NDRG3: variants seen among roughly 807,000 people sequenced by gnomAD.
NDRG3 encodes the protein protein NDRG3.
In NDRG3, 23 loss-of-function variants were observed where a neutral mutation model predicts 57.2. The ratio of observed to expected loss-of-function variants is 0.40; its 90% CI spans 0.29 to 0.57. The LOEUF is 0.57. Ranked by LOEUF, NDRG3 falls within the 20% of genes least tolerant of loss-of-function variation. The pLI is 0.42. For synonymous variants in NDRG3, 132 were observed against 162.6 expected, an observed-to-expected ratio of 0.81 and a Z score of 1.43; for missense variants, 384 against 457.3, an observed-to-expected ratio of 0.84 and a Z score of 1.46.
At chr20:36,730,552 C>T (rs556053521) in intron 1 of NDRG3, among the ~76,000 whole-genome samples, 8 of 151,692 alleles carry the variant, frequency 5.3e-5, no homozygotes, top group South Asian at 2.1e-4. Flanking sequence ...GCAGAAACCT[C>T]GCTGAAAGGT....
intron 2 of NDRG3, among the ~76,000 whole-genome samples, chr20:36,712,087 TG>T (rs2148179442): frequency 6.6e-6 from 1 of 151,976 alleles, no homozygotes; most frequent in African/African-American, 2.4e-5. Flanking sequence ...CGCACCTGGT[TG>T]TTTTTTTGTT....
At chr20:36,698,758 TATA>T (rs1277477394) in intron 3 of NDRG3, among the ~76,000 whole-genome samples, 1 of 152,130 alleles carries the variant, frequency 6.6e-6, no homozygotes, top group South Asian at 2.1e-4. Context: ...GATTTATTCA[TATA>T]ATGACATACA....
At chr20:36,733,452 C>T (rs567688208) in intron 1 of NDRG3, among the ~76,000 whole-genome samples, 3 of 151,732 alleles carry the variant, frequency 2.0e-5, no homozygotes, top group East Asian at 2.0e-4. Flanking sequence ...TGGCCGGGCG[C>T]GGTGGCTCAC....
At chr20:36,675,102 C>T (rs1263701872) in intron 8 of NDRG3, among the ~76,000 whole-genome samples, 1 of 148,404 alleles carries the variant, frequency 6.7e-6, no homozygotes, top group Non-Finnish European at 1.5e-5. Context: ...GTCTGTTGCC[C>T]AGGCTAGAAT....
intron 7 of NDRG3, among the ~76,000 whole-genome samples, chr20:36,681,685 TATTTAATTTA>T (rs368610528): frequency 2.6e-5 from 4 of 151,612 alleles, no homozygotes; most frequent in African/African-American, 9.7e-5. Context: ...CTCTCTAGCT[TATTTAATTTA>T]ATTTAATTTA....
At chr20:36,692,162 T>A (rs1050205671) in intron 3 of NDRG3, among the ~76,000 whole-genome samples, 3 of 152,212 alleles carry the variant, frequency 2.0e-5, no homozygotes, top group African/African-American at 7.2e-5. Flanking sequence ...AGTCAGATAA[T>A]GCTAAGTGGT....
intron 8 of NDRG3, among the ~76,000 whole-genome samples, chr20:36,678,456 G>A (rs1263642636): frequency 6.6e-6 from 1 of 152,150 alleles, no homozygotes; most frequent in East Asian, 1.9e-4. Context: ...GCTGAGGTGG[G>A]TGGATCACGA....
At position 36,666,680 on chromosome 20, in the gene NDRG3, T is replaced by G. The variant is rs948941498; in HGVS notation, c.589-288A>C. ...TCGTCACTCTGAACCCTGATTTCTT[T>G]GTATGTTTTTTTAATGTTCTGCCAT... On this transcript the variant is annotated intron_variant, in intron 9 of 15. Coordinates refer to ENST00000349004, the MANE Select transcript of NDRG3 (RefSeq NM_032013.4). Among the ~76,000 whole-genome samples, 17 of 152,164 alleles carry G rather than the reference T, an allele frequency of 1.1e-4. 1 individual carries two copies. The highest frequency in any genetic ancestry group is 7.2e-4 in the Admixed American group (11 of 15,266).
At chr20:36,668,201 C>A (rs146731090) in intron 9 of NDRG3, among the ~76,000 whole-genome samples, 1 of 152,264 alleles carries the variant, frequency 6.6e-6, no homozygotes, top group African/African-American at 2.4e-5. Context: ...AAGATGGCAC[C>A]ACTGCACTCC....
chr20:36,735,423 A>G lies in NDRG3; in HGVS notation c.-49+10622T>C, dbSNP rs570493474. On this transcript the variant is annotated intron_variant, in intron 1 of 15. Transcript: ENST00000349004. ...ACACTTCTGGTCCCAAGCATTTTGGATAAGGGATACTCAACCTGTATTTCC... is the reference window on the plus strand; with the variant it reads ...ACACTTCTGGTCCCAAGCATTTTGGGTAAGGGATACTCAACCTGTATTTCC... 2.6e-5 allele frequency among the ~76,000 whole-genome samples: 4 copies of G among 152,330 alleles called. No individual in the cohort carries two copies. The East Asian group carries it at 5.8e-4, about 22-fold the overall frequency.
At chr20:36,745,599 T>C (rs886072122) in intron 1 of NDRG3, among the ~76,000 whole-genome samples, 10 of 152,212 alleles carry the variant, frequency 6.6e-5, no homozygotes, top group African/African-American at 2.4e-4. Context: ...TCTGCTGCTC[T>C]GGGGCCGGAC....
chr20:36,721,079 C>T (rs1984563288), intron 2 of NDRG3, among the ~76,000 whole-genome samples: 1 of 151,814 alleles, frequency 6.6e-6, no homozygotes, highest in South Asian at 2.1e-4. Context: ...CCCAGCCCCA[C>T]CCTCATGCTT....
At position 36,700,136 on chromosome 20, in the gene NDRG3, T is replaced by G. The variant is rs6071949; in HGVS notation, c.93+6836A>C. 9.3e-5 allele frequency among the ~76,000 whole-genome samples: 13 copies of G among 139,884 alleles called. 1 individual carries two copies. In the South Asian group the frequency reaches 2.5e-3, roughly 27 times the overall value. 91.8% of individuals were successfully genotyped at this position (139,884 alleles called of 152,430 possible). A position where few individuals can be genotyped will look rare whatever the true frequency, so the allele number is the denominator to read the frequency against. ...CTCAAAAAAAAAAAAAAAAAAAAAGTAGATGAAGGAATAGGGCAAAGTTAC... is the reference window on the plus strand; with the variant it reads ...CTCAAAAAAAAAAAAAAAAAAAAAGGAGATGAAGGAATAGGGCAAAGTTAC... On this transcript the variant is annotated intron_variant, in intron 3 of 15. Coordinates refer to ENST00000349004, the MANE Select transcript of NDRG3 (RefSeq NM_032013.4).
chr20:36,734,186 G>A (rs1458548375), intron 1 of NDRG3, among the ~76,000 whole-genome samples: 1 of 151,414 alleles, frequency 6.6e-6, no homozygotes, highest in Non-Finnish European at 1.5e-5. Flanking sequence ...CAGCCTGAGT[G>A]ACAGAGCGAG....
chr20:36,691,954 T>C (rs980050271), intron 3 of NDRG3, among the ~76,000 whole-genome samples: 1 of 152,100 alleles, frequency 6.6e-6, no homozygotes, highest in African/African-American at 2.4e-5. Flanking sequence ...AGAGATTATG[T>C]TCTACATAGG....
chr20:36,703,221 T>A (rs552143817), intron 3 of NDRG3, among the ~76,000 whole-genome samples: 13 of 152,202 alleles, frequency 8.5e-5, no homozygotes, highest in Non-Finnish European at 1.6e-4. Flanking sequence ...AATATACATA[T>A]ATGTATACTA....
intron 1 of NDRG3, among the ~76,000 whole-genome samples, chr20:36,724,354 C>T (rs928123082): frequency 6.6e-6 from 1 of 152,068 alleles, no homozygotes; most frequent in Non-Finnish European, 1.5e-5. Context: ...TTTGTCAGAT[C>T]GCAGGCACCC....
chr20:36,683,169 G>C (rs551705838), intron 6 of NDRG3, among the ~76,000 whole-genome samples: 73 of 151,746 alleles, frequency 4.8e-4, no homozygotes, highest in Admixed American at 1.1e-3. Context: ...GCATGAACCC[G>C]GGAGGTGGAG....
At chr20:36,654,049 T>G (rs191300489) in intron 15 of NDRG3, among the ~76,000 whole-genome samples, 3 of 152,174 alleles carry the variant, frequency 2.0e-5, no homozygotes. Flanking sequence ...CTACAGTGCA[T>G]GCAAGACTAA....
Sources: allele counts gnomAD v4.1 joint callset (sites outside exome capture counted in the v4.1 genomes callset), GRCh38; gene constraint gnomAD v4.1.1; transcripts MANE v1.5; gene names NCBI Gene and HGNC (gene_info 2026-07-23, HGNC 2026-07-21).